Variants in GRIK2 observed in about 807,000 individuals in gnomAD.
GRIK2 encodes the protein glutamate ionotropic receptor kainate type subunit 2.
GRIK2 carries 32 observed loss-of-function variants against 100.3 expected under a neutral mutation model. The ratio of observed to expected loss-of-function variants is 0.32; its 90% CI spans 0.24 to 0.43. The LOEUF (loss-of-function observed/expected upper bound fraction) is 0.43, where lower values mean the gene tolerates loss of function less well. GRIK2 is among the 20% of genes least tolerant of loss of function. The probability of loss-of-function intolerance (pLI) is 1.00; values close to 1 mark genes in which losing one functional copy is unlikely to be tolerated. For missense variants in GRIK2, 843 were observed against 1,114.9 expected (o/e 0.76, Z 3.47); for synonymous variants, 417 against 389.4 (o/e 1.07, Z -0.83).
chr6:101,818,326 C>T (rs142741212), intron 9 of GRIK2, 44 bp from the exon 10 acceptor site: 6 of 1,066,004 alleles, frequency 5.6e-6, no homozygotes, highest in Non-Finnish European at 8.7e-6. Flanking sequence ...CTCTCTACCA[C>T]GTGCCTGATG....
At chr6:101,662,754 A>G (rs1014072370) in intron 4 of GRIK2, among the ~76,000 whole-genome samples, 1 of 152,124 alleles carries the variant, frequency 6.6e-6, no homozygotes, top group Non-Finnish European at 1.5e-5. Flanking sequence ...AGATTCTCAC[A>G]TTATTGTACA....
intron 7 of GRIK2, among the ~76,000 whole-genome samples, chr6:101,731,061 A>G (rs1257331830): frequency 6.6e-6 from 1 of 151,946 alleles, no homozygotes; most frequent in East Asian, 1.9e-4. Flanking sequence ...TTCTAAGCAA[A>G]TTTTCAAGTA....
chr6:101,604,971 C>T (rs1779379165), intron 2 of GRIK2, among the ~76,000 whole-genome samples: 1 of 151,852 alleles, frequency 6.6e-6, no homozygotes, highest in Non-Finnish European at 1.5e-5. Flanking sequence ...TTTACCCTTG[C>T]TAATGATTTT....
intron 14 of GRIK2, among the ~76,000 whole-genome samples, chr6:101,998,582 C>T (rs1794765978): frequency 6.6e-6 from 1 of 151,904 alleles, no homozygotes; most frequent in Non-Finnish European, 1.5e-5. Flanking sequence ...GCTATATTTT[C>T]TTCTAGAAGT....
At chr6:101,653,256 C>T (rs991691432) in intron 4 of GRIK2, among the ~76,000 whole-genome samples, 1 of 152,010 alleles carries the variant, frequency 6.6e-6, no homozygotes, top group African/African-American at 2.4e-5. Flanking sequence ...GAACGTCATA[C>T]CTGTCTCATT....
intron 7 of GRIK2, among the ~76,000 whole-genome samples, chr6:101,766,419 C>A (rs1778048528): frequency 6.6e-6 from 1 of 152,042 alleles, no homozygotes; most frequent in Non-Finnish European, 1.5e-5. Context: ...ATATTTGAAG[C>A]ATTAAAGTAA....
intron 2 of GRIK2, among the ~76,000 whole-genome samples, chr6:101,514,033 G>C (rs1454646863): frequency 2.6e-5 from 4 of 151,946 alleles, no homozygotes; most frequent in African/African-American, 9.7e-5. Context: ...GAAGAAAAGA[G>C]ATCACAGAAA....
At chr6:102,024,811 G>T (rs1434397259) in intron 14 of GRIK2, among the ~76,000 whole-genome samples, 4 of 150,596 alleles carry the variant, frequency 2.7e-5, no homozygotes, top group Non-Finnish European at 5.9e-5. Flanking sequence ...TTTTCTTATT[G>T]AATGAAGCCA....
chr6:101,773,266 G>T (rs1778517450), intron 7 of GRIK2, among the ~76,000 whole-genome samples: 1 of 152,090 alleles, frequency 6.6e-6, no homozygotes, highest in African/African-American at 2.4e-5. Flanking sequence ...GGATCACGAG[G>T]TGAGGAGATC....
intron 2 of GRIK2, among the ~76,000 whole-genome samples, chr6:101,582,109 G>A (rs2128303304): frequency 6.6e-6 from 1 of 151,796 alleles, no homozygotes; most frequent in East Asian, 1.9e-4. Flanking sequence ...TGGGATACAT[G>A]TGCAGAACGT....
chr6:101,540,778 GATATA>G (rs1364249618), intron 2 of GRIK2, among the ~76,000 whole-genome samples: 3 of 151,918 alleles, frequency 2.0e-5, no homozygotes, highest in African/African-American at 7.2e-5. Flanking sequence ...TTGATTTACA[GATATA>G]ATGTAATTAT....
At chr6:102,055,668 T>A in intron 16 of GRIK2, 88 bp downstream of exon 16, 1 of 813,348 alleles carries the variant, frequency 1.2e-6, no homozygotes, top group Non-Finnish European at 2.0e-6. Context: ...TGTTACCAAC[T>A]AATGATAATG....
intron 2 of GRIK2, among the ~76,000 whole-genome samples, chr6:101,522,834 T>A (rs1774946157): frequency 6.6e-6 from 1 of 151,866 alleles, no homozygotes; most frequent in South Asian, 2.1e-4. Flanking sequence ...CTTCTGTGAC[T>A]ACATCTGCTT....
chr6:101,472,625 C>T (rs1052241589), intron 2 of GRIK2, among the ~76,000 whole-genome samples: 1 of 151,646 alleles, frequency 6.6e-6, no homozygotes, highest in Non-Finnish European at 1.5e-5. Flanking sequence ...TTGTGAAGAC[C>T]AAAGTTTATT....
chr6:101,840,793 A>G (rs185643319), intron 10 of GRIK2, among the ~76,000 whole-genome samples: 248 of 152,342 alleles, frequency 1.6e-3, no homozygotes, highest in African/African-American at 5.7e-3. Flanking sequence ...AAAACAAACA[A>G]ACAAAAAGCA....
intron 9 of GRIK2, among the ~76,000 whole-genome samples, chr6:101,803,774 C>G (rs965227832): frequency 6.6e-6 from 1 of 151,846 alleles, no homozygotes; most frequent in Non-Finnish European, 1.5e-5. Context: ...TAGATCCATT[C>G]CTGTCTTGAA....
intron 2 of GRIK2, among the ~76,000 whole-genome samples, chr6:101,426,683 T>G (rs945990878): frequency 1.3e-5 from 2 of 152,206 alleles, no homozygotes; most frequent in Non-Finnish European, 1.5e-5. Context: ...CTGTCATATT[T>G]GTGCCTGCCT....
intron 2 of GRIK2, among the ~76,000 whole-genome samples, chr6:101,503,273 A>G (rs2128274746): frequency 6.6e-6 from 1 of 152,300 alleles, no homozygotes; most frequent in East Asian, 1.9e-4. Flanking sequence ...GTTGTGAGGA[A>G]AAGGTATAAA....
intron 4 of GRIK2, among the ~76,000 whole-genome samples, chr6:101,667,332 G>A (rs192861177): frequency 6.6e-6 from 1 of 152,226 alleles, no homozygotes; most frequent in East Asian, 1.9e-4. Flanking sequence ...AAACATAATG[G>A]CCGAATTCTC....
Sources: gnomAD v4.1 joint callset for allele counts (sites outside exome capture counted in the v4.1 genomes callset) on GRCh38, gnomAD v4.1.1 for gene constraint, MANE v1.5 for transcripts, NCBI Gene and HGNC (gene_info 2026-07-23, HGNC 2026-07-21) for gene names.